EXT2: variants seen among roughly 807,000 people sequenced by gnomAD.
EXT2 encodes exostosin glycosyltransferase 2.
A neutral mutation model predicts 81.6 loss-of-function variants in EXT2; 53 were observed. The ratio of observed to expected loss-of-function variants is 0.65; its 90% CI spans 0.52 to 0.82. EXT2 has a LOEUF of 0.82. Among genes scored for constraint, EXT2 ranks in the 40% least tolerant of loss-of-function variants. The pLI is 0.00. For missense variants in EXT2, 774 were observed against 910.2 expected (o/e 0.85, Z 1.93); for synonymous variants, 320 against 340.0 (o/e 0.94, Z 0.65).
At chr11:44,230,640 C>CA (rs1955887677) in intron 10 of EXT2, among the ~76,000 whole-genome samples, 2 of 152,120 alleles carry the variant, frequency 1.3e-5, no homozygotes, top group South Asian at 4.1e-4. Flanking sequence ...GAGGCATCTA[C>CA]AAGCCAGGCA....
At chr11:44,123,769 A>G (rs752376586) in intron 4 of EXT2, among the ~76,000 whole-genome samples, 4 of 151,948 alleles carry the variant, frequency 2.6e-5, no homozygotes, top group African/African-American at 7.3e-5. Context: ...TATGTTCTGT[A>G]CCCTCTCTGT....
Position 44,107,003 on chromosome 11 carries a change from A to G in EXT2, c.-30-680A>G, listed in dbSNP as rs570109191. On this transcript the variant is annotated intron_variant, in intron 1 of 13. Transcript: ENST00000533608. ...TATTTTATGTTAAGCAAGTGTTTTG[A>G]AATAAAATAACTGTCTTTTGCTATT... Among the ~76,000 whole-genome samples the G allele has an allele frequency of 5.3e-5, 8 of 152,332 alleles. No homozygotes were observed. In the South Asian group the frequency reaches 1.7e-3, roughly 32 times the overall value.
At chr11:44,154,154 A>G (rs568737127) in intron 7 of EXT2, among the ~76,000 whole-genome samples, 12 of 152,156 alleles carry the variant, frequency 7.9e-5, no homozygotes, top group Non-Finnish European at 1.6e-4. Context: ...CGTTCCAACT[A>G]TAGTCTTTTA....
At chr11:44,240,021 G>A (rs2135275836) in intron 13 of EXT2, among the ~76,000 whole-genome samples, 1 of 152,224 alleles carries the variant, frequency 6.6e-6, no homozygotes, top group Non-Finnish European at 1.5e-5. Context: ...TAAATGCTAT[G>A]TAAATAGTTG....
chr11:44,179,653 G>T (rs560099945), intron 8 of EXT2, among the ~76,000 whole-genome samples: 1 of 152,248 alleles, frequency 6.6e-6, no homozygotes, highest in Admixed American at 6.5e-5. Flanking sequence ...TTCAATAATA[G>T]AACTTACCAG....
intron 7 of EXT2, among the ~76,000 whole-genome samples, chr11:44,136,514 G>A (rs1476922095): frequency 6.6e-6 from 1 of 152,160 alleles, no homozygotes; most frequent in Non-Finnish European, 1.5e-5. Context: ...TTATTGAATA[G>A]TCTTCCTTGA....
rs1484870166 is a variant in EXT2, at chr11:44,244,129, C to G, written c.2019-20C>G. ...TTCTGCTCAAACCCCTCCTCCCCAC[C>G]TCCTCTCCAAATCCCACAGGTCAGA... On this transcript the variant is annotated intron_variant, in intron 13 of 13. Coordinates refer to ENST00000533608, the MANE Select transcript of EXT2 (RefSeq NM_207122.2). 6.2e-7 allele frequency: 1 copy of G among 1,613,236 alleles called. No individual in the cohort carries two copies. The highest frequency in any genetic ancestry group is 8.5e-7 in the Non-Finnish European group (1 of 1,179,516).
chr11:44,218,956 C>G (rs765944528), intron 10 of EXT2, among the ~76,000 whole-genome samples: 2 of 151,702 alleles, frequency 1.3e-5, no homozygotes, highest in Non-Finnish European at 2.9e-5. Context: ...TGCCACCATG[C>G]CCAGCTGATT....
At chr11:44,185,421 G>C (rs777320502) in intron 8 of EXT2, among the ~76,000 whole-genome samples, 1 of 151,962 alleles carries the variant, frequency 6.6e-6, no homozygotes, top group Non-Finnish European at 1.5e-5. Context: ...AGAGGATTTT[G>C]AAAAAGGAAG....
intron 4 of EXT2, among the ~76,000 whole-genome samples, chr11:44,121,878 C>G (rs1338112045): frequency 6.6e-6 from 1 of 152,100 alleles, no homozygotes; most frequent in Non-Finnish European, 1.5e-5. Flanking sequence ...ACTTCTGGGG[C>G]TCTGATACCC....
At chr11:44,109,361 AC>A in intron 3 of EXT2, 78 bp downstream of exon 3, 1 of 1,193,502 alleles carries the variant, frequency 8.4e-7, no homozygotes, top group Non-Finnish European at 1.2e-6. Context: ...TCCTAAATCT[AC>A]CACATACTTT....
chr11:44,232,617 A>G, intron 11 of EXT2, 121 bp downstream of exon 11: 1 of 1,252,054 alleles, frequency 8.0e-7, no homozygotes, highest in Non-Finnish European at 1.1e-6. Flanking sequence ...GTGTGACAGT[A>G]TTTTACAAAT....
intron 4 of EXT2, chr11:44,116,041 T>A (rs1341670732): frequency 6.6e-6 from 1 of 152,200 alleles, no homozygotes; most frequent in Non-Finnish European, 1.5e-5. Flanking sequence ...ACCATAAAAT[T>A]TACTCTTTTA....
At chr11:44,148,983 C>T (rs191985344) in intron 7 of EXT2, among the ~76,000 whole-genome samples, 1 of 152,282 alleles carries the variant, frequency 6.6e-6, no homozygotes, top group African/African-American at 2.4e-5. Flanking sequence ...TTCTAGGTTG[C>T]TTGTCCTGCC....
chr11:44,127,916 A>T (rs1226296512), intron 6 of EXT2, among the ~76,000 whole-genome samples: 1 of 152,218 alleles, frequency 6.6e-6, no homozygotes, highest in East Asian at 1.9e-4. Context: ...GGTGTTCACC[A>T]TTTATATTGC....
intron 7 of EXT2, among the ~76,000 whole-genome samples, chr11:44,148,788 G>A (rs570248763): frequency 1.3e-5 from 2 of 152,128 alleles, no homozygotes; most frequent in Admixed American, 6.5e-5. Context: ...TTCCTCTGGT[G>A]GGAACAGGTG....
chr11:44,141,974 G>A (rs1954652354), intron 7 of EXT2, among the ~76,000 whole-genome samples: 1 of 152,182 alleles, frequency 6.6e-6, no homozygotes, highest in Non-Finnish European at 1.5e-5. Context: ...ACAATAACTT[G>A]TAAAGTATCA....
At chr11:44,130,959 G>A (rs113001844) in intron 7 of EXT2, among the ~76,000 whole-genome samples, 1 of 152,240 alleles carries the variant, frequency 6.6e-6, no homozygotes, top group Non-Finnish European at 1.5e-5. Context: ...CATGTCCCAA[G>A]AACAGGCCAC....
intron 8 of EXT2, among the ~76,000 whole-genome samples, chr11:44,173,659 T>C (rs1422163234): frequency 6.7e-6 from 1 of 149,930 alleles, no homozygotes; most frequent in Non-Finnish European, 1.5e-5. Context: ...AGTTCCGCCT[T>C]CTGGGTTCAC....
Sources: gnomAD v4.1 joint callset for allele counts (sites outside exome capture counted in the v4.1 genomes callset) on GRCh38, gnomAD v4.1.1 for gene constraint, MANE v1.5 for transcripts, NCBI Gene and HGNC (gene_info 2026-07-23, HGNC 2026-07-21) for gene names.